PARD6G: variants seen among roughly 807,000 people sequenced by gnomAD.
PARD6G encodes partitioning defective 6 homolog gamma.
A neutral mutation model predicts 10.7 loss-of-function variants in PARD6G; 7 were observed. The ratio of observed to expected loss-of-function variants is 0.66; its 90% confidence interval spans 0.37 to 1.23. PARD6G has a LOEUF of 1.23. Ranked by LOEUF, PARD6G falls within the 50% of genes most tolerant of loss-of-function variation. The probability of loss-of-function intolerance (pLI) is 0.02; values close to 1 mark genes in which losing one functional copy is unlikely to be tolerated. For missense variants in PARD6G, 548 were observed against 571.8 expected (o/e 0.96, Z 0.42); for synonymous variants, 287 against 269.4 (o/e 1.07, Z -0.64).
chr18:80,175,127 C>T lies in PARD6G; in HGVS notation c.296-14521G>A, dbSNP rs995042493. ...AGAAAGAAAATGCCCCATAATCCTT[C>T]TTCCTAACAGTCTAGTACACACTTC... On this transcript the variant is annotated intron_variant, in intron 2 of 2. Transcript: ENST00000353265. The surrounding 1 kb of genome is among the most constrained non-coding windows in gnomAD (Gnocchi z 6.7). Among the ~76,000 whole-genome samples the T allele has an allele frequency of 1.3e-5, 2 of 152,196 alleles. No homozygotes were observed. Among genetic ancestry groups the T allele is most frequent in the African/African-American group, 2.4e-5 (1 of 41,424 alleles).
In PARD6G at chr18:80,223,204, A is replaced by G. The variant is rs369436832; in HGVS notation, c.73-20272T>C. On this transcript the variant is annotated intron_variant, in intron 1 of 2. Coordinates refer to ENST00000353265, the MANE Select transcript of PARD6G (RefSeq NM_032510.4). ...GAATTAAATTATCATTACTGGAGTT[A>G]GGCAATAATTTCTTAAATATGATGC... is the stretch of plus-strand genomic sequence containing the variant. 9.2e-5 allele frequency among the ~76,000 whole-genome samples: 14 copies of G among 152,364 alleles called. No individual in the cohort carries two copies. The East Asian group carries it at 9.6e-4, about 10-fold the overall frequency.
chr18:80,198,862 A>G (rs1448199078), intron 2 of PARD6G, among the ~76,000 whole-genome samples: 1 of 152,196 alleles, frequency 6.6e-6, no homozygotes, highest in Admixed American at 6.5e-5. Context: ...CTGGTAAGGT[A>G]GACAGTCCTT....
At chr18:80,226,361 G>C (rs1599873472) in intron 1 of PARD6G, among the ~76,000 whole-genome samples, 1 of 151,760 alleles carries the variant, frequency 6.6e-6, no homozygotes, top group African/African-American at 2.4e-5. Flanking sequence ...GTAGAGACGG[G>C]GGTTCCTCCA....
intron 2 of PARD6G, among the ~76,000 whole-genome samples, chr18:80,167,269 G>A (rs182776528): frequency 1.4e-3 from 211 of 151,196 alleles, no homozygotes; most frequent in East Asian, 7.0e-3. Context: ...GCGTGTGGAC[G>A]TGTTGCAGGA....
Position 80,181,068 on chromosome 18 carries a change from C to T in PARD6G, c.296-20462G>A, listed in dbSNP as rs1447148706. On this transcript the variant is annotated intron_variant, in intron 2 of 2. Transcript: ENST00000353265. This position sits in a 1 kb window ranked among gnomAD's most constrained non-coding sequence, Gnocchi z 7.9. The stretch of plus-strand genomic sequence containing the variant: ...AGGCTGTTCAAAGGTCTGAACCTCA[C>T]GCGCGATCTCGACATTAGAACATGG... Among the ~76,000 whole-genome samples, 5 of 152,200 alleles carry T rather than the reference C, an allele frequency of 3.3e-5. No homozygotes were observed. Among genetic ancestry groups the T allele is most frequent in the Admixed American group, 6.5e-5 (1 of 15,290 alleles).
chr18:80,160,008 G>A lies in PARD6G; in HGVS notation c.894C>T (p.Asp298=). ...FHPDEAESDE[D]NDVVIEGTLE... ...GTGTGCCCTCGATGACGACGTCGTT[G>A]TCCTCATCGCTCTCCGCCTCGTCGG... The change falls in exon 3 of 3, where the codon GAC becomes GAT. Residue 298 remains aspartate, a synonymous_variant. Transcript: ENST00000353265. The A allele has an allele frequency of 6.5e-7, 1 of 1,527,846 alleles. No individual in the cohort carries two copies. Among genetic ancestry groups the A allele is most frequent in the South Asian group, 1.3e-5 (1 of 76,716 alleles). The allele number at this position is 1,527,846 out of a possible 1,614,324, so 94.6% of individuals were successfully genotyped here. A position where few individuals can be genotyped will look rare whatever the true frequency, so the allele number is the denominator to read the frequency against.
chr18:80,173,290 G>A (rs1463346954), intron 2 of PARD6G, among the ~76,000 whole-genome samples: 4 of 152,084 alleles, frequency 2.6e-5, no homozygotes, highest in Non-Finnish European at 4.4e-5. Context: ...GAACTACAAG[G>A]GCAGGGGTCA....
rs945105658 is a variant in PARD6G, at chr18:80,231,984, G to A, written c.72+15293C>T. Among the ~76,000 whole-genome samples, 5 of 152,204 alleles carry A rather than the reference G, an allele frequency of 3.3e-5. No individual in the cohort carries two copies. Among genetic ancestry groups the A allele is most frequent in the Admixed American group, 2.6e-4 (4 of 15,282 alleles). On this transcript the variant is annotated intron_variant, in intron 1 of 2. Coordinates refer to ENST00000353265, the MANE Select transcript of PARD6G (RefSeq NM_032510.4). The surrounding 1 kb of genome is among the most constrained non-coding windows in gnomAD (Gnocchi z 4.2). ...CAGCCTTCCGGCAGCTGAACCACAA[G>A]CCCTAATCTCTGAGCAGAAGCCACT...
chr18:80,192,484 G>T lies in PARD6G; in HGVS notation c.295+10226C>A, dbSNP rs2145272595. Among the ~76,000 whole-genome samples the T allele has an allele frequency of 6.6e-6, 1 of 150,522 alleles. No homozygotes were observed. The highest frequency in any genetic ancestry group is 6.6e-5 in the Admixed American group (1 of 15,140). ...GCCCAGGGGACGGGGGAGAGCAGGT[G>T]CCACGGCGGGAGCCCAGGGGACGGG... is the stretch of plus-strand genomic sequence containing the variant. On this transcript the variant is annotated intron_variant, in intron 2 of 2. Transcript: ENST00000353265. This position sits in a 1 kb window ranked among gnomAD's most constrained non-coding sequence, Gnocchi z 4.9.
intron 2 of PARD6G, among the ~76,000 whole-genome samples, chr18:80,166,404 T>C (rs1214347500): frequency 6.6e-6 from 1 of 151,480 alleles, no homozygotes; most frequent in Non-Finnish European, 1.5e-5. Context: ...ACGTGTGCCA[T>C]GGCAGACACT....
chr18:80,173,049 C>T (rs528380630), intron 2 of PARD6G, among the ~76,000 whole-genome samples: 172 of 152,268 alleles, frequency 1.1e-3, no homozygotes, highest in Middle Eastern at 3.4e-3. Context: ...ACATTTCCAT[C>T]GGCCTTGGAG....
chr18:80,185,901 C>CGCAT (rs2052872726), intron 2 of PARD6G, among the ~76,000 whole-genome samples: 1 of 142,974 alleles, frequency 7.0e-6, no homozygotes, highest in Non-Finnish European at 1.5e-5. Context: ...CCCTCACACA[C>CGCAT]GCACCCACAC....
chr18:80,242,129 G>A (rs1463794296), intron 1 of PARD6G, among the ~76,000 whole-genome samples: 5 of 152,186 alleles, frequency 3.3e-5, no homozygotes, highest in Admixed American at 6.5e-5. Flanking sequence ...GCAGCCTCCA[G>A]GGGCAGTGAC....
intron 2 of PARD6G, chr18:80,170,864 C>A (rs2052771259): frequency 6.6e-6 from 1 of 152,136 alleles, no homozygotes; most frequent in Non-Finnish European, 1.5e-5. Flanking sequence ...TGTGCACTTG[C>A]CTCTGGAATG....
intron 2 of PARD6G, among the ~76,000 whole-genome samples, chr18:80,165,283 T>C (rs1227659536): frequency 6.6e-6 from 1 of 152,222 alleles, no homozygotes; most frequent in African/African-American, 2.4e-5. Context: ...TATTCCTTGC[T>C]AAGAAAAGAA....
At position 80,158,409 on chromosome 18, in the gene PARD6G, A is replaced by ATC. The variant is rs1328712077; in HGVS notation, c.*1361_*1362insGA. 1.3e-5 allele frequency: 2 copies of ATC among 152,260 alleles called. No homozygotes were observed. Among genetic ancestry groups the ATC allele is most frequent in the Non-Finnish European group, 2.9e-5 (2 of 68,056 alleles). The allele number at this position is 152,260 out of a possible 1,614,324, so 9.4% of individuals were successfully genotyped here. A position where few individuals can be genotyped will look rare whatever the true frequency, so the allele number is the denominator to read the frequency against. On this transcript the variant is annotated 3_prime_UTR_variant, in exon 3 of 3. Transcript: ENST00000353265. Reference sequence around the variant, plus strand: ...CATTTCCGAAATCGCCCTCAGAGTCAGTCAACCCACAGGAAAAGGGTCATC... The same window carrying ATC: ...CATTTCCGAAATCGCCCTCAGAGTCATCGTCAACCCACAGGAAAAGGGTCATC...
intron 1 of PARD6G, among the ~76,000 whole-genome samples, chr18:80,221,053 A>G (rs1295101770): frequency 6.6e-6 from 1 of 152,200 alleles, no homozygotes; most frequent in East Asian, 1.9e-4. Context: ...ATAACAAGAT[A>G]TTGAATTATC....
intron 2 of PARD6G, among the ~76,000 whole-genome samples, chr18:80,168,258 C>G (rs1339763004): frequency 6.6e-6 from 1 of 152,062 alleles, no homozygotes; most frequent in Non-Finnish European, 1.5e-5. Context: ...GGTATGGGGA[C>G]GAGGTGACTG....
chr18:80,201,788 G>A lies in PARD6G; in HGVS notation c.295+922C>T, dbSNP rs999118002. 2.6e-5 allele frequency among the ~76,000 whole-genome samples: 4 copies of A among 152,188 alleles called. No individual in the cohort carries two copies. The highest frequency in any genetic ancestry group is 1.3e-4 in the Admixed American group (2 of 15,272). On this transcript the variant is annotated intron_variant, in intron 2 of 2. Coordinates refer to ENST00000353265, the MANE Select transcript of PARD6G (RefSeq NM_032510.4). This position sits in a 1 kb window ranked among gnomAD's most constrained non-coding sequence, Gnocchi z 5.9. ...CTCGTTTTGCAAAGCAGGACGCTGGGGTGAAGGAGGCGGAGGGCCTCGTCT... is the reference window on the plus strand; with the variant it reads ...CTCGTTTTGCAAAGCAGGACGCTGGAGTGAAGGAGGCGGAGGGCCTCGTCT...
Sources: allele counts gnomAD v4.1 joint callset (sites outside exome capture counted in the v4.1 genomes callset), GRCh38; gene constraint gnomAD v4.1.1; non-coding constraint Gnocchi (gnomAD v3.1); transcripts MANE v1.5; gene names NCBI Gene and HGNC (gene_info 2026-07-23, HGNC 2026-07-21).